Variants in TMEM217B observed in about 807,000 individuals in gnomAD.
TMEM217B encodes transmembrane protein 217B, also known as putative transmembrane protein 217B.
chr6:37,252,635 A>ATTTTTTTTTTTTT, the TMEM217B span, among the ~76,000 whole-genome samples: 1 of 60,384 alleles, frequency 1.7e-5, no homozygotes, highest in African/African-American at 5.9e-5. Context: ...ATATATATAT[A>ATTTTTTTTTTTTT]TATTTTTTTT....
the TMEM217B span, chr6:37,215,052 A>G: frequency 1.0e-6 from 1 of 979,904 alleles, no homozygotes. Context: ...ATGTCTGTAT[A>G]AAGCCCACTG....
the TMEM217B span, among the ~76,000 whole-genome samples, chr6:37,230,616 C>T: frequency 6.6e-6 from 1 of 151,934 alleles, no homozygotes; most frequent in Non-Finnish European, 1.5e-5. Flanking sequence ...TGGCCATCTA[C>T]AAAATAAGGA....
chr6:37,256,620 G>C, the TMEM217B span, among the ~76,000 whole-genome samples: 1 of 152,128 alleles, frequency 6.6e-6, no homozygotes, highest in Non-Finnish European at 1.5e-5. Context: ...TTGAAAATGG[G>C]AGTAATGAAG....
At chr6:37,248,420 C>T in the TMEM217B span, among the ~76,000 whole-genome samples, 16 of 152,214 alleles carry the variant, frequency 1.1e-4, no homozygotes, top group Non-Finnish European at 2.2e-4. Context: ...ATGTTTTTAC[C>T]CCCTTTCTCA....
the TMEM217B span, among the ~76,000 whole-genome samples, chr6:37,229,743 C>T: frequency 6.6e-6 from 1 of 152,192 alleles, no homozygotes; most frequent in Admixed American, 6.5e-5. Context: ...TAGTACTTCT[C>T]CTTAATGTGC....
the TMEM217B span, chr6:37,212,220 T>TAAAACAAGTCACACAACACATCTGTAA: frequency 3.0e-6 from 1 of 333,824 alleles, no homozygotes; most frequent in South Asian, 2.4e-5. Flanking sequence ...CATTAACTGC[T>TAAAACAAGTCACACAACACATCTGTAA]AAAACAAGTC....
At chr6:37,242,049 T>G in the TMEM217B span, among the ~76,000 whole-genome samples, 3 of 151,498 alleles carry the variant, frequency 2.0e-5, no homozygotes, top group African/African-American at 7.3e-5. Flanking sequence ...CCCTGCCCCT[T>G]GATGGAGTCA....
At chr6:37,236,662 A>ATTT in the TMEM217B span, among the ~76,000 whole-genome samples, 5 of 149,772 alleles carry the variant, frequency 3.3e-5, no homozygotes, top group Admixed American at 1.3e-4. Flanking sequence ...TGCCAGTACT[A>ATTT]TTTTTTTTTT....
chr6:37,219,558 T>G, the TMEM217B span, among the ~76,000 whole-genome samples: 1 of 152,078 alleles, frequency 6.6e-6, no homozygotes, highest in Non-Finnish European at 1.5e-5. Flanking sequence ...CTGGACAACA[T>G]GGTGAAACCC....
chr6:37,250,248 A>C, the TMEM217B span, among the ~76,000 whole-genome samples: 3 of 152,366 alleles, frequency 2.0e-5, no homozygotes, highest in East Asian at 5.8e-4. Context: ...CAGAGTGGTT[A>C]CATCTGAAAG....
chr6:37,255,940 A>G, the TMEM217B span, among the ~76,000 whole-genome samples: 1 of 152,214 alleles, frequency 6.6e-6, no homozygotes, highest in Non-Finnish European at 1.5e-5. Flanking sequence ...AACTGTAGAA[A>G]TAACAGGGCT....
the TMEM217B span, among the ~76,000 whole-genome samples, chr6:37,234,907 A>G: frequency 3.9e-5 from 6 of 152,320 alleles, no homozygotes; most frequent in Non-Finnish European, 8.8e-5. Flanking sequence ...ACATATTAAT[A>G]TTACACACCC....
the TMEM217B span, chr6:37,213,077 A>G: frequency 3.2e-6 from 3 of 935,932 alleles, no homozygotes; most frequent in Non-Finnish European, 4.8e-6. Context: ...CTAGATATAA[A>G]TCAGAGAGCT....
At chr6:37,246,930 T>C in the TMEM217B span, among the ~76,000 whole-genome samples, 35 of 151,158 alleles carry the variant, frequency 2.3e-4, no homozygotes, top group East Asian at 6.4e-3. Flanking sequence ...TCTCAGAAGA[T>C]GGGGAGACAG....
At chr6:37,220,259 AG>A in the TMEM217B span, among the ~76,000 whole-genome samples, 1 of 152,270 alleles carries the variant, frequency 6.6e-6, no homozygotes, top group Admixed American at 6.5e-5. Flanking sequence ...AGTGGAAGGA[AG>A]TAAATTTTGC....
At chr6:37,233,897 G>A in the TMEM217B span, among the ~76,000 whole-genome samples, 1 of 152,052 alleles carries the variant, frequency 6.6e-6, no homozygotes, top group Non-Finnish European at 1.5e-5. Context: ...AATACTTGGA[G>A]TACCCATACA....
chr6:37,214,788 C>T, the TMEM217B span, among the ~76,000 whole-genome samples: 2 of 152,198 alleles, frequency 1.3e-5, no homozygotes, highest in Non-Finnish European at 2.9e-5. Flanking sequence ...CCCTGTGTGA[C>T]TCCAGATACA....
the TMEM217B span, chr6:37,218,723 A>G: frequency 1.2e-6 from 2 of 1,614,178 alleles, no homozygotes; most frequent in Non-Finnish European, 1.7e-6. Context: ...AGTTTCATAG[A>G]AAAAAATCCA....
chr6:37,214,538 T>C, the TMEM217B span, among the ~76,000 whole-genome samples: 6 of 152,154 alleles, frequency 3.9e-5, no homozygotes, highest in African/African-American at 1.4e-4. Flanking sequence ...TCTTCAGAAC[T>C]TTTTCATCAT....
Sources: allele counts gnomAD v4.1 joint callset (sites outside exome capture counted in the v4.1 genomes callset), GRCh38; gene constraint gnomAD v4.1.1; transcripts MANE v1.5; gene names NCBI Gene and HGNC (gene_info 2026-07-23, HGNC 2026-07-21).